HSD17B11: variants seen among roughly 807,000 people sequenced by gnomAD.
HSD17B11 encodes the protein hydroxysteroid 17-beta dehydrogenase 11.
In HSD17B11, 22 loss-of-function variants were observed where a neutral mutation model predicts 27.8. That is an observed-to-expected ratio of 0.79 (90% CI 0.56 to 1.13). The LOEUF (loss-of-function observed/expected upper bound fraction) is 1.13. HSD17B11 is among the 50% of genes most tolerant of loss of function. The pLI, the probability that HSD17B11 is intolerant of heterozygous loss-of-function variation, is 0.00. For synonymous variants in HSD17B11, 117 were observed against 132.8 expected, an observed-to-expected ratio of 0.88 and a Z score of 0.82; for missense variants, 314 against 351.1, an observed-to-expected ratio of 0.89 and a Z score of 0.84.
intron 2 of HSD17B11, among the ~76,000 whole-genome samples, chr4:87,378,890 A>G (rs1198236375): frequency 9.3e-5 from 1 of 10,806 alleles, no homozygotes; most frequent in South Asian, 2.6e-3. Flanking sequence ...AAATATATAT[A>G]TATAAATATA....
At chr4:87,386,644 A>G (rs1481031632) in intron 1 of HSD17B11, among the ~76,000 whole-genome samples, 3 of 152,190 alleles carry the variant, frequency 2.0e-5, no homozygotes, top group Non-Finnish European at 4.4e-5. Flanking sequence ...GCACAGTACA[A>G]TTGCTCATAA....
intron 4 of HSD17B11, among the ~76,000 whole-genome samples, chr4:87,368,044 A>G (rs1471066905): frequency 1.3e-5 from 2 of 152,156 alleles, no homozygotes; most frequent in Non-Finnish European, 2.9e-5. Context: ...TCGGCTAGGC[A>G]CGGTGGCTCA....
chr4:87,379,673 GTATAA>G (rs1020981400), intron 2 of HSD17B11, among the ~76,000 whole-genome samples: 1 of 141,018 alleles, frequency 7.1e-6, no homozygotes, highest in Non-Finnish European at 1.5e-5. Flanking sequence ...TATATTAATA[GTATAA>G]TATAGTATTA....
chr4:87,371,553 A>G (rs1735716130), intron 4 of HSD17B11, among the ~76,000 whole-genome samples: 2 of 152,204 alleles, frequency 1.3e-5, no homozygotes, highest in African/African-American at 2.4e-5. Flanking sequence ...CTGCACACTT[A>G]CGACTTCTTC....
intron 6 of HSD17B11, among the ~76,000 whole-genome samples, chr4:87,338,072 C>A (rs918962322): frequency 1.1e-4 from 17 of 152,284 alleles, no homozygotes; most frequent in African/African-American, 4.1e-4. Context: ...AAAAAATTAG[C>A]CAGGCATGGT....
chr4:87,374,474 C>A, intron 3 of HSD17B11: 1 of 347,302 alleles, frequency 2.9e-6, no homozygotes, highest in South Asian at 4.0e-5. Flanking sequence ...TATACAACAC[C>A]TGACATTTAT....
intron 1 of HSD17B11, among the ~76,000 whole-genome samples, chr4:87,387,773 AT>A (rs1720357853): frequency 6.6e-6 from 1 of 152,234 alleles, no homozygotes; most frequent in African/African-American, 2.4e-5. Context: ...AAAATAAAAT[AT>A]AGATTATTTA....
In HSD17B11 at chr4:87,391,044, CAGG is replaced by C; in HGVS notation, c.24_26del (p.Leu11del). 1 of 1,613,306 alleles carries C rather than the reference CAGG, an allele frequency of 6.2e-7. No homozygotes were observed. Among genetic ancestry groups the C allele is most frequent in the Non-Finnish European group, 8.5e-7 (1 of 1,179,858 alleles). On this transcript the variant is annotated inframe_deletion, in exon 1 of 7. Transcript: ENST00000358290. Reference sequence around the variant, plus strand: ...AGCAGACGATCAGTAACGGGAGAAGCAGGAGGATGTCCAGAAGAAATTTCATCC... The same window carrying C: ...AGCAGACGATCAGTAACGGGAGAAGCAGGATGTCCAGAAGAAATTTCATCC...
rs11549855 is a variant in HSD17B11 at position 87,390,927 on chromosome 4, A to C, written c.144T>G (p.Ile48Met). ...CAAATTCATAGGCAGTCAGTCTCCC[A>C]ATTCCATGCCCAGCTCCTGTAATCA... ...IVLITGAGHG[I>M]GRLTAYEFAK... is the part of the protein sequence containing the mutation. The change falls in exon 1 of 7, where the codon ATT (isoleucine) becomes ATG (methionine). Residue 48 changes from isoleucine (I) to methionine (M), a missense_variant. By Grantham distance (10) the Ile-to-Met change is conservative. Transcript: ENST00000358290. 1 of 1,614,138 alleles carries C rather than the reference A, an allele frequency of 6.2e-7. No individual in the cohort carries two copies.
rs1357576127 is a variant in HSD17B11 at position 87,372,764 on chromosome 4, C to T, written c.502G>A (p.Val168Ile). The T allele has an allele frequency of 1.2e-6, 2 of 1,613,884 alleles. No homozygotes were observed. The highest frequency in any genetic ancestry group is 1.7e-6 in the Non-Finnish European group (2 of 1,179,854). Reference sequence around the variant, plus strand: ...TGTCCAGCTGCCGAAGCCACAGTGACAATATGGCCATGGTTATTCTTCGTC... The same window carrying T: ...TGTCCAGCTGCCGAAGCCACAGTGATAATATGGCCATGGTTATTCTTCGTC... ...AMTKNNHGHI[V>I]TVASAAGHVS... Residue 168 changes from valine to isoleucine, a missense_variant, in exon 4 of 7, where the codon GTC becomes ATC. Transcript: ENST00000358290.
chr4:87,385,048 G>A (rs1720272145), intron 1 of HSD17B11, among the ~76,000 whole-genome samples: 1 of 152,098 alleles, frequency 6.6e-6, no homozygotes, highest in Non-Finnish European at 1.5e-5. Flanking sequence ...AATATTGGGG[G>A]CAGGTTCCCA....
At chr4:87,370,746 A>ATTT (rs1252040331) in intron 4 of HSD17B11, among the ~76,000 whole-genome samples, 1 of 5,370 alleles carries the variant, frequency 1.9e-4, no homozygotes, top group Non-Finnish European at 2.7e-4. Context: ...TATTATTATT[A>ATTT]TTATTATTAT....
intron 4 of HSD17B11, among the ~76,000 whole-genome samples, chr4:87,357,952 T>A (rs1201124861): frequency 2.2e-5 from 2 of 89,142 alleles, no homozygotes; most frequent in African/African-American, 1.3e-4. Flanking sequence ...TAGAGAAATT[T>A]TTTTTTTTTT....
chr4:87,374,663 CA>C (rs767560777), intron 3 of HSD17B11, 35 bp downstream of exon 3: 161 of 1,578,260 alleles, frequency 1.0e-4, no homozygotes, highest in Non-Finnish European at 1.4e-4. Flanking sequence ...TTGGGATTTT[CA>C]AAAGGAACAT....
intron 4 of HSD17B11, among the ~76,000 whole-genome samples, chr4:87,368,316 CAA>C (rs1735646575): frequency 6.6e-6 from 1 of 151,612 alleles, no homozygotes; most frequent in Admixed American, 6.6e-5. Context: ...GACTCCATCT[CAA>C]AAAAACAAAA....
At chr4:87,346,278 G>GT (rs1191613358) in intron 5 of HSD17B11, among the ~76,000 whole-genome samples, 5 of 152,154 alleles carry the variant, frequency 3.3e-5, no homozygotes, top group African/African-American at 1.2e-4. Context: ...TCTTCAACCT[G>GT]TTTTATAAGC....
chr4:87,378,033 A>C (rs1735872107), intron 2 of HSD17B11, among the ~76,000 whole-genome samples: 1 of 152,168 alleles, frequency 6.6e-6, no homozygotes, highest in African/African-American at 2.4e-5. Context: ...GATCTGTCTG[A>C]CGTCAGAGCC....
intron 5 of HSD17B11, among the ~76,000 whole-genome samples, chr4:87,353,538 G>A (rs1027073003): frequency 1.3e-5 from 2 of 152,112 alleles, no homozygotes; most frequent in African/African-American, 4.8e-5. Context: ...CCAATCTTTA[G>A]GCCCTTCCTT....
chr4:87,370,749 A>ATTTTTTTT (rs1401448001), intron 4 of HSD17B11, among the ~76,000 whole-genome samples: 1 of 6,488 alleles, frequency 1.5e-4, no homozygotes, highest in Non-Finnish European at 2.8e-4. Flanking sequence ...TATTATTATT[A>ATTTTTTTT]TTATTATTTT....
Sources: allele counts gnomAD v4.1 joint callset (sites outside exome capture counted in the v4.1 genomes callset), GRCh38; gene constraint gnomAD v4.1.1; transcripts MANE v1.5; gene names NCBI Gene and HGNC (gene_info 2026-07-23, HGNC 2026-07-21).